The following CARF variants were observed in gnomAD, a reference collection of about 807,000 sequenced individuals.
CARF encodes the protein calcium-responsive transcription factor.
Under a neutral mutation model 82.0 loss-of-function variants are expected in CARF, and 57 were observed. The ratio of observed to expected loss-of-function variants is 0.70; its 90% CI spans 0.56 to 0.87. CARF has a LOEUF of 0.87. CARF is among the 40% of genes least tolerant of loss of function. CARF has a pLI of 0.00. For synonymous variants in CARF, 268 were observed against 290.1 expected, an observed-to-expected ratio of 0.92 and a Z score of 0.77; for missense variants, 771 against 855.8, an observed-to-expected ratio of 0.90 and a Z score of 1.24.
chr2:202,926,164 A>G (rs1691778244), intron 3 of CARF, among the ~76,000 whole-genome samples: 1 of 152,158 alleles, frequency 6.6e-6, no homozygotes, highest in East Asian at 1.9e-4. Context: ...GGGGGAGGCA[A>G]CTGTGCAGGG....
chr2:202,915,741 A>T (rs1314164922), intron 1 of CARF, among the ~76,000 whole-genome samples: 1 of 151,990 alleles, frequency 6.6e-6, no homozygotes, highest in African/African-American at 2.4e-5. Flanking sequence ...TGCTGGGATT[A>T]CAGGCATGAG....
At chr2:202,925,243 G>C (rs1184527042) in intron 3 of CARF, 1 of 367,466 alleles carries the variant, frequency 2.7e-6, no homozygotes, top group African/African-American at 2.1e-5. Context: ...TATGAATGTA[G>C]CTTACATGAA....
intron 1 of CARF, among the ~76,000 whole-genome samples, chr2:202,915,123 T>C (rs1231452315): frequency 6.6e-6 from 1 of 151,528 alleles, no homozygotes; most frequent in Non-Finnish European, 1.5e-5. Context: ...TTGAAGCGAT[T>C]CTCCTGCCTC....
Position 202,986,897 on chromosome 2 carries a change from T to TATACATATATATATATATACAC in CARF, c.*3276_*3277insCATATATATATATATACACATA, listed in dbSNP as rs1429542495. 7.4e-6 allele frequency: 1 copy of TATACATATATATATATATACAC among 135,942 alleles called. No homozygotes were observed. The highest frequency in any genetic ancestry group is 2.1e-4 in the East Asian group (1 of 4,878). 8.4% of individuals were successfully genotyped at this position (135,942 alleles called of 1,614,324 possible). On this transcript the variant is annotated 3_prime_UTR_variant, in exon 17 of 17. Transcript: ENST00000438828. ...ATATATATATATATATATATATATA[T>TATACATATATATATATATACAC]ATATATATATAGCAACTTGATGTAT... is the stretch of plus-strand genomic sequence containing the variant.
At chr2:202,962,949 T>C (rs1413428280) in intron 9 of CARF, 10 of 151,426 alleles carry the variant, frequency 6.6e-5, no homozygotes, top group African/African-American at 2.4e-4. Context: ...GTAATTAGTT[T>C]TTCTAGAGTA....
At position 202,955,828 on chromosome 2, in the gene CARF, C is replaced by G. The variant is rs2059009820; in HGVS notation, c.642+70C>G. 3.4e-5 allele frequency: 37 copies of G among 1,077,712 alleles called. 1 individual carries two copies. In the South Asian group the frequency reaches 5.0e-4, roughly 15 times the overall value. The allele number at this position is 1,077,712 out of a possible 1,614,324, so 66.8% of individuals were successfully genotyped here. On this transcript the variant is annotated intron_variant, in intron 8 of 16. Transcript: ENST00000438828. Reference sequence around the variant, plus strand: ...AACCACAGGTCATCCCCAAATGCCACTTTTGAGTACAACTAATATAGTCTA... The same window carrying G: ...AACCACAGGTCATCCCCAAATGCCAGTTTTGAGTACAACTAATATAGTCTA...
intron 6 of CARF, 132 bp from the exon 7 acceptor site, chr2:202,953,873 G>C (rs543693985): frequency 6.5e-6 from 4 of 611,566 alleles, no homozygotes; most frequent in Non-Finnish European, 9.9e-6. Flanking sequence ...TCTCAATAAA[G>C]CATTATTCCT....
intron 3 of CARF, among the ~76,000 whole-genome samples, chr2:202,940,748 G>A (rs1428970289): frequency 6.6e-6 from 1 of 152,010 alleles, no homozygotes; most frequent in Non-Finnish European, 1.5e-5. Flanking sequence ...TAATGTATTA[G>A]AACTACCCTT....
chr2:202,974,669 C>T lies in CARF; in HGVS notation c.1494+173C>T, dbSNP rs1291174839. Among the ~76,000 whole-genome samples, 8 of 151,832 alleles carry T rather than the reference C, an allele frequency of 5.3e-5. No homozygotes were observed. The South Asian group carries it at 8.3e-4, about 16-fold the overall frequency. On this transcript the variant is annotated intron_variant, in intron 13 of 16. Coordinates refer to ENST00000438828, the MANE Select transcript of CARF (RefSeq NM_024744.17). ...ATCCCAACACTTTGGGAGGCCGAGA[C>T]GGGTGGATCACCTGCGGTCAGAAGT...
Position 202,918,022 on chromosome 2 carries a change from A to G in CARF, c.-184A>G, listed in dbSNP as rs1341946339. On this transcript the variant is annotated 5_prime_UTR_variant, in exon 2 of 17. Coordinates refer to ENST00000438828, the MANE Select transcript of CARF (RefSeq NM_024744.17). The stretch of plus-strand genomic sequence containing the variant: ...GTAGAATGCTTGAGGCCTGGAATTT[A>G]AACCTGAGCCACTATCTGAAGGTAA... 1 of 452,268 alleles carries G rather than the reference A, an allele frequency of 2.2e-6. No homozygotes were observed. Among genetic ancestry groups the G allele is most frequent in the Non-Finnish European group, 4.4e-6 (1 of 225,500 alleles). 28.0% of individuals were successfully genotyped at this position (452,268 alleles called of 1,614,324 possible).
At position 202,982,461 on chromosome 2, in the gene CARF, T is replaced by A. The variant is rs769734982; in HGVS notation, c.2059+20T>A. The A allele has an allele frequency of 9.9e-6, 16 of 1,612,116 alleles. No individual in the cohort carries two copies. The highest frequency in any genetic ancestry group is 1.4e-5 in the Non-Finnish European group (16 of 1,178,918). On this transcript the variant is annotated intron_variant, in intron 16 of 16. Transcript: ENST00000438828. Reference sequence around the variant, plus strand: ...CTCTTAGTAAGTTGAAATCAATTTATGATGTTATTGTTGTAACCTTTGTGG... The same window carrying A: ...CTCTTAGTAAGTTGAAATCAATTTAAGATGTTATTGTTGTAACCTTTGTGG...
At chr2:202,963,479 A>G (rs761186045) in intron 9 of CARF, among the ~76,000 whole-genome samples, 3 of 152,178 alleles carry the variant, frequency 2.0e-5, no homozygotes, top group Non-Finnish European at 2.9e-5. Context: ...GCAGTCCCCA[A>G]TATTTTTGGC....
intron 14 of CARF, among the ~76,000 whole-genome samples, chr2:202,979,808 A>AG (rs1371385247): frequency 6.6e-6 from 1 of 152,080 alleles, no homozygotes; most frequent in Non-Finnish European, 1.5e-5. Context: ...CAAAAAAAAA[A>AG]AAAGAAAGAA....
intron 9 of CARF, among the ~76,000 whole-genome samples, chr2:202,966,197 G>C (rs867381493): frequency 6.6e-6 from 1 of 152,098 alleles, no homozygotes; most frequent in Non-Finnish European, 1.5e-5. Flanking sequence ...TTTATTAAAC[G>C]TAAGTTAGTA....
intron 3 of CARF, among the ~76,000 whole-genome samples, chr2:202,936,969 T>G (rs909117427): frequency 2.6e-5 from 4 of 152,216 alleles, no homozygotes; most frequent in Non-Finnish European, 5.9e-5. Context: ...TTTTTATTTT[T>G]GGTATGTAAT....
At chr2:202,967,226 C>T (rs1316336222) in intron 10 of CARF, 128 bp downstream of exon 10, 2 of 1,044,766 alleles carry the variant, frequency 1.9e-6, no homozygotes, top group Non-Finnish European at 2.7e-6. Flanking sequence ...CTCTTACCCA[C>T]ATTTGTTCTG....
At chr2:202,935,137 A>AATTATTTATAAT (rs1559204336) in intron 3 of CARF, among the ~76,000 whole-genome samples, 1 of 94,178 alleles carries the variant, frequency 1.1e-5, no homozygotes, top group East Asian at 5.7e-4. Context: ...TAATTATATA[A>AATTATTTATAAT]TATAATTATA....
chr2:202,971,458 AT>A lies in CARF; in HGVS notation c.1098-43del, dbSNP rs778023737. ...TACTTTGGTCTAATAATATTAAATAATTTTAATGTTTAAATTTTAGTAATTT... is the reference window on the plus strand; with the variant it reads ...TACTTTGGTCTAATAATATTAAATAATTTAATGTTTAAATTTTAGTAATTT... On this transcript the variant is annotated intron_variant, in intron 11 of 16. Coordinates refer to ENST00000438828, the MANE Select transcript of CARF (RefSeq NM_024744.17). 7 of 1,151,064 alleles carry A rather than the reference AT, an allele frequency of 6.1e-6. No individual in the cohort carries two copies. The Admixed American group carries it at 7.8e-5, about 13-fold the overall frequency. 71.3% of individuals were successfully genotyped at this position (1,151,064 alleles called of 1,614,324 possible).
rs551528138 is a variant in CARF, at chr2:202,980,238, G to A, written c.1559-1317G>A. Among the ~76,000 whole-genome samples the A allele has an allele frequency of 3.9e-5, 6 of 152,238 alleles. No homozygotes were observed. In the South Asian group the frequency reaches 6.2e-4, roughly 16 times the overall value. ...CTCCTAAAGTGCTGAGATTACAAGC[G>A]TGAGCCACTTCGCCTGGCCGATAAT... On this transcript the variant is annotated intron_variant, in intron 14 of 16. Coordinates refer to ENST00000438828, the MANE Select transcript of CARF (RefSeq NM_024744.17).
Sources: allele counts gnomAD v4.1 joint callset (sites outside exome capture counted in the v4.1 genomes callset), GRCh38; gene constraint gnomAD v4.1.1; transcripts MANE v1.5; gene names NCBI Gene and HGNC (gene_info 2026-07-23, HGNC 2026-07-21).